POLI: variants seen among roughly 807,000 people sequenced by gnomAD.
POLI encodes RAD30 homolog B.
Under a neutral mutation model 51.6 loss-of-function variants are expected in POLI, and 58 were observed. The observed-to-expected ratio is 1.12, with a 90% CI of 0.91 to 1.40. The LOEUF is 1.40. POLI is among the 40% of genes most tolerant of loss of function. POLI has a pLI of 0.00. For synonymous variants in POLI, 322 were observed against 299.7 expected (o/e 1.07, Z -0.77); for missense variants, 921 against 871.3 (o/e 1.06, Z -0.72).
At chr18:54,313,994 G>A (rs1185945778) in intron 3 of POLI, among the ~76,000 whole-genome samples, 1 of 152,128 alleles carries the variant, frequency 6.6e-6, no homozygotes, top group African/African-American at 2.4e-5. Context: ...TGTTGATTAG[G>A]AGTGGTGAGA....
intron 3 of POLI, among the ~76,000 whole-genome samples, chr18:54,304,390 G>A (rs867913860): frequency 2.6e-4 from 40 of 152,264 alleles, no homozygotes; most frequent in Non-Finnish European, 4.6e-4. Context: ...GTGTAAAAGC[G>A]TTCCTATTTC....
chr18:54,286,289 C>T (rs191133666), intron 7 of POLI, among the ~76,000 whole-genome samples: 4 of 152,156 alleles, frequency 2.6e-5, no homozygotes, highest in Admixed American at 2.6e-4. Context: ...GAAATGTTAT[C>T]CTTTAATGAC....
chr18:54,284,927 T>C (rs1042093617), intron 7 of POLI, among the ~76,000 whole-genome samples: 2 of 152,230 alleles, frequency 1.3e-5, no homozygotes, highest in African/African-American at 2.4e-5. Flanking sequence ...GTTTCTCCTC[T>C]TCTTGTTAGA....
intron 1 of POLI, chr18:54,270,593 C>T (rs1229361692): frequency 6.6e-6 from 1 of 152,146 alleles, no homozygotes; most frequent in Non-Finnish European, 1.5e-5. Context: ...GAACTACACG[C>T]TTTATTAATA....
chr18:54,298,632 C>G (rs1448342267), downstream of POLI, among the ~76,000 whole-genome samples: 1 of 144,056 alleles, frequency 6.9e-6, no homozygotes, highest in Non-Finnish European at 1.5e-5. Flanking sequence ...GCTCTGTCGC[C>G]CAGGTTGGAG....
chr18:54,273,902 T>C, intron 2 of POLI, 24 bp from the exon 3 acceptor site: 2 of 1,397,110 alleles, frequency 1.4e-6, no homozygotes, highest in South Asian at 3.1e-5. Context: ...TGTGCTTGGG[T>C]TTCTCATAAA....
rs1427672875 is a variant in POLI at position 54,315,199 on chromosome 18, G to A, written c.334-5074G>A. 2.0e-5 allele frequency among the ~76,000 whole-genome samples: 3 copies of A among 152,142 alleles called. No homozygotes were observed. In the East Asian group the frequency reaches 5.8e-4, roughly 29 times the overall value. Reference sequence around the variant, plus strand: ...TAATTTCAAAGATTTTTGGATATCTGCCTTACTTTCATTGTTTACCTGAAA... The same window carrying A: ...TAATTTCAAAGATTTTTGGATATCTACCTTACTTTCATTGTTTACCTGAAA... On this transcript the variant is annotated intron_variant, in intron 3 of 4. Transcript: ENST00000579823.
chr18:54,303,058 CA>C (rs2088518940), downstream of POLI, among the ~76,000 whole-genome samples: 2 of 152,136 alleles, frequency 1.3e-5, no homozygotes. Context: ...TTTGTGAAAG[CA>C]AAAGTAATGA....
downstream of POLI, among the ~76,000 whole-genome samples, chr18:54,299,004 T>C (rs1333320097): frequency 6.6e-6 from 1 of 152,186 alleles, no homozygotes; most frequent in Admixed American, 6.5e-5. Context: ...AAGCCCATTG[T>C]AAATTGAAAA....
Position 54,273,970 on chromosome 18 carries a change from A to G in POLI, c.286A>G (p.Arg96Gly), listed in dbSNP as rs3218778. 1.0e-5 allele frequency: 16 copies of G among 1,581,044 alleles called. No homozygotes were observed. In the Admixed American group the frequency reaches 2.2e-4, roughly 21 times the overall value. ...GGTGGTTACCTGCAACTATGAAGCT[A>G]GGAAACTTGGAGTTAAGAAACTTAT... ...YLVVTCNYEARKLGVKKLMNV... is the reference protein window; with the variant it reads ...YLVVTCNYEAGKLGVKKLMNV... The change falls in exon 3 of 10, where the codon AGG becomes GGG. Residue 96 changes from arginine (R) to glycine (G), a missense_variant. Coordinates refer to ENST00000579534, the MANE Select transcript of POLI (RefSeq NM_007195.3).
rs766212982 is a variant in POLI at position 54,291,876 on chromosome 18, A to G, written c.1242A>G (p.Lys414=). The G allele has an allele frequency of 2.5e-6, 4 of 1,607,118 alleles. No individual in the cohort carries two copies. Among genetic ancestry groups the G allele is most frequent in the Non-Finnish European group, 3.4e-6 (4 of 1,174,476 alleles). The part of the protein sequence containing the change: ...VMTPMVDILM[K]LFRNMVNVKM... Reference sequence around the variant, plus strand: ...CCCCAATGGTTGATATACTTATGAAACTTTTTCGAAATATGGTGAATGTGA... The same window carrying G: ...CCCCAATGGTTGATATACTTATGAAGCTTTTTCGAAATATGGTGAATGTGA... The change falls in exon 9 of 10, where the codon AAA becomes AAG. Residue 414 remains lysine, a synonymous_variant. Transcript: ENST00000579534.
rs575024061 is a variant in POLI, at chr18:54,277,678, G to C, written c.407-25G>C. ...CCTAGTTATAACTTCATTTACATTT[G>C]TGCTCCAATATTATTTCAATTTAGA... On this transcript the variant is annotated intron_variant, in intron 3 of 9. Transcript: ENST00000579534. 11 of 1,468,304 alleles carry C rather than the reference G, an allele frequency of 7.5e-6. No homozygotes were observed. The East Asian group carries it at 2.5e-4, about 34-fold the overall frequency. The allele number at this position is 1,468,304 out of a possible 1,614,324, so 91.0% of individuals were successfully genotyped here.
chr18:54,309,746 C>T (rs1039952325), intron 3 of POLI, among the ~76,000 whole-genome samples: 1 of 152,188 alleles, frequency 6.6e-6, no homozygotes, highest in Admixed American at 6.5e-5. Context: ...CCAGTTTGAG[C>T]TTCCAGGTTA....
In POLI at chr18:54,287,412, G is replaced by T; in HGVS notation, c.1198+1G>T. On this transcript the variant is annotated splice_donor_variant, in intron 8 of 9. Transcript: ENST00000579534. LOFTEE classifies it high-confidence loss of function. ...CATGTAATTCAGAAATTAGGGACAG[G>T]TATGGACTAGTTTTCCAACAGTTTC... The T allele has an allele frequency of 6.2e-7, 1 of 1,606,384 alleles. No individual in the cohort carries two copies. Among genetic ancestry groups the T allele is most frequent in the South Asian group, 1.1e-5 (1 of 89,712 alleles).
downstream of POLI, among the ~76,000 whole-genome samples, chr18:54,301,276 T>TCACA (rs35448677): frequency 2.7e-4 from 40 of 150,468 alleles, no homozygotes; most frequent in East Asian, 1.6e-3. Flanking sequence ...GAAACTCCCA[T>TCACA]CACACACACA....
At chr18:54,279,241 C>CTTTTT (rs769828054) in intron 4 of POLI, among the ~76,000 whole-genome samples, 64 of 119,088 alleles carry the variant, frequency 5.4e-4, no homozygotes, top group East Asian at 9.1e-4. Flanking sequence ...TATGTCTTTT[C>CTTTTT]TTTTTTTTTT....
chr18:54,306,047 C>T (rs527471336), intron 3 of POLI, among the ~76,000 whole-genome samples: 11 of 152,138 alleles, frequency 7.2e-5, no homozygotes, highest in Non-Finnish European at 1.3e-4. Flanking sequence ...CGTGAGCCAC[C>T]GCACCCAGCC....
chr18:54,272,394 C>T (rs893868839), intron 2 of POLI, among the ~76,000 whole-genome samples: 7 of 152,156 alleles, frequency 4.6e-5, no homozygotes, highest in Non-Finnish European at 7.4e-5. Context: ...TAATTAAGTA[C>T]GAATGAATGA....
At position 54,294,780 on chromosome 18, in the gene POLI, T is replaced by C. The variant is rs545057041; in HGVS notation, c.*313T>C. 2.0e-4 allele frequency: 194 copies of C among 991,208 alleles called. 1 individual carries two copies. The African/African-American group carries it at 3.1e-3, about 16-fold the overall frequency. The allele number at this position is 991,208 out of a possible 1,614,324, so 61.4% of individuals were successfully genotyped here. A position where few individuals can be genotyped will look rare whatever the true frequency, so the allele number is the denominator to read the frequency against. On this transcript the variant is annotated 3_prime_UTR_variant, in exon 10 of 10. Transcript: ENST00000579534. ...GATGTATATGTTTATATATAAAAAA[T>C]AGCCAAATCGTTGCAATGATATGGT... is the stretch of plus-strand genomic sequence containing the variant.
Sources: allele counts gnomAD v4.1 joint callset (sites outside exome capture counted in the v4.1 genomes callset), GRCh38; gene constraint gnomAD v4.1.1; transcripts MANE v1.5; gene names NCBI Gene and HGNC (gene_info 2026-07-23, HGNC 2026-07-21).